Variants in ABCD2 observed in about 807,000 individuals in gnomAD.
ABCD2 encodes ATP-binding cassette sub-family D member 2.
In ABCD2, 36 loss-of-function variants were observed where a neutral mutation model predicts 70.9. That is an observed-to-expected ratio of 0.51 (90% CI 0.39 to 0.67). ABCD2 has a LOEUF of 0.67. ABCD2 is among the 30% of genes least tolerant of loss of function. ABCD2 has a pLI of 0.00. For synonymous variants in ABCD2, 304 were observed against 306.9 expected (o/e 0.99, Z 0.10); for missense variants, 729 against 890.2 (o/e 0.82, Z 2.30).
the ABCD2 span, among the ~76,000 whole-genome samples, chr12:39,541,470 A>G: frequency 6.6e-6 from 1 of 152,230 alleles, no homozygotes; most frequent in South Asian, 2.1e-4. Flanking sequence ...AATGACCTGA[A>G]GCACAGAAAG....
chr12:39,591,317 A>G (rs1338450269), intron 6 of ABCD2, among the ~76,000 whole-genome samples: 1 of 152,236 alleles, frequency 6.6e-6, no homozygotes, highest in Non-Finnish European at 1.5e-5. Flanking sequence ...GATATTTACT[A>G]TTACTGAAAT....
chr12:39,533,922 G>A, the ABCD2 span, among the ~76,000 whole-genome samples: 2 of 152,142 alleles, frequency 1.3e-5, no homozygotes, highest in African/African-American at 4.8e-5. Context: ...AGAAACAGAA[G>A]GCGTATGATA....
intron 7 of ABCD2, 90 bp from the exon 8 acceptor site, chr12:39,579,709 A>T: frequency 9.9e-7 from 1 of 1,013,272 alleles, no homozygotes; most frequent in Non-Finnish European, 1.4e-6. Context: ...TGACAAATTC[A>T]AATTGTCAAC....
intron 6 of ABCD2, among the ~76,000 whole-genome samples, chr12:39,591,824 A>G (rs996567353): frequency 6.6e-6 from 1 of 152,168 alleles, no homozygotes; most frequent in African/African-American, 2.4e-5. Flanking sequence ...ATTATATCAG[A>G]TTACCATTTA....
intron 9 of ABCD2, among the ~76,000 whole-genome samples, chr12:39,556,518 T>C (rs1435883076): frequency 6.6e-6 from 1 of 152,168 alleles, no homozygotes; most frequent in Non-Finnish European, 1.5e-5. Context: ...GTGCCTTTCT[T>C]CCCGTTTGCC....
chr12:39,534,760 G>GAGAAAGAGAAAGAA, the ABCD2 span, among the ~76,000 whole-genome samples: 1,965 of 113,118 alleles, frequency 0.017, 27 homozygotes, highest in Middle Eastern at 0.031. Flanking sequence ...AAGAAAGAAA[G>GAGAAAGAGAAAGAA]AGAAAGAAAG....
intron 8 of ABCD2, among the ~76,000 whole-genome samples, chr12:39,576,769 A>G (rs911058863): frequency 3.9e-5 from 6 of 152,190 alleles, no homozygotes; most frequent in South Asian, 2.1e-4. Context: ...CTGGATTGGA[A>G]GGGAGGATGA....
intron 1 of ABCD2, 144 bp from the exon 2 acceptor site, chr12:39,617,312 CAT>C (rs1200682504): frequency 1.0e-5 from 5 of 480,656 alleles, no homozygotes; most frequent in South Asian, 8.3e-5. Context: ...GTTTTGGTCA[CAT>C]GTGTATTATT....
chr12:39,575,531 G>A (rs1490045115), intron 8 of ABCD2, among the ~76,000 whole-genome samples: 6 of 152,216 alleles, frequency 3.9e-5, no homozygotes, highest in African/African-American at 9.6e-5. Flanking sequence ...CCTTAAGACA[G>A]GAGTTTTTCA....
chr12:39,577,091 A>C (rs1319867898), intron 8 of ABCD2, among the ~76,000 whole-genome samples: 1 of 152,142 alleles, frequency 6.6e-6, no homozygotes, highest in African/African-American at 2.4e-5. Flanking sequence ...CCAAAATTTT[A>C]ACAGTGTTTA....
the ABCD2 span, among the ~76,000 whole-genome samples, chr12:39,537,836 A>G: frequency 6.6e-6 from 1 of 152,238 alleles, no homozygotes; most frequent in African/African-American, 2.4e-5. Flanking sequence ...GTAAACAGAG[A>G]AAGTGTTTAC....
chr12:39,566,380 T>A (rs1941347948), intron 9 of ABCD2, among the ~76,000 whole-genome samples: 1 of 152,228 alleles, frequency 6.6e-6, no homozygotes, highest in South Asian at 2.1e-4. Context: ...GTCGAGGAAT[T>A]TATCCATTTC....
At chr12:39,560,415 G>A (rs559407091) in intron 9 of ABCD2, among the ~76,000 whole-genome samples, 314 of 152,202 alleles carry the variant, frequency 2.1e-3, no homozygotes, top group Non-Finnish European at 3.5e-3. Flanking sequence ...TATCATTGAT[G>A]GACATTTGGG....
Position 39,600,594 on chromosome 12 carries a change from T to C in ABCD2, c.1623A>G (p.Gln541=). Residue 541 remains glutamine (Q), a synonymous_variant, in exon 6 of 10, where the codon CAA becomes CAG. Transcript: ENST00000308666. The part of the protein sequence containing the change: ...YEGVLYKPPP[Q]HMFYIPQRPY... ...ACCTTTGTGGAATATAAAACATATG[T>C]TGAGGAGGTGGTTTATAGAGGACTC... 6.2e-7 allele frequency: 1 copy of C among 1,605,378 alleles called. No homozygotes were observed. Among genetic ancestry groups the C allele is most frequent in the Non-Finnish European group, 8.5e-7 (1 of 1,176,708 alleles).
intron 7 of ABCD2, among the ~76,000 whole-genome samples, chr12:39,581,749 C>A (rs1415579782): frequency 6.6e-6 from 1 of 152,120 alleles, no homozygotes; most frequent in Non-Finnish European, 1.5e-5. Flanking sequence ...TAATAAATCA[C>A]GTTCTTTGTT....
downstream of ABCD2, among the ~76,000 whole-genome samples, chr12:39,546,554 T>A (rs1054674285): frequency 6.6e-6 from 1 of 152,076 alleles, no homozygotes; most frequent in East Asian, 1.9e-4. Flanking sequence ...TAAAACTGGG[T>A]AATGTGTTGA....
rs772301519 is a variant in ABCD2, at chr12:39,553,975, T to C, written c.2160A>G (p.Leu720=). The change falls in exon 10 of 10, where the codon CTA becomes CTG. Residue 720 remains leucine, a synonymous_variant. Coordinates refer to ENST00000308666, the MANE Select transcript of ABCD2 (RefSeq NM_005164.4). ...IPKMQQRLNE[L]CKILGEDSVL... ...CTGAGTCTTCTCCCAAAATTTTACA[T>C]AGTTCATTGAGTCTCTGCTGCATTT... 1.2e-6 allele frequency: 2 copies of C among 1,613,326 alleles called. No individual in the cohort carries two copies. The highest frequency in any genetic ancestry group is 1.7e-6 in the Non-Finnish European group (2 of 1,179,810).
chr12:39,595,524 T>C (rs1470595070), intron 6 of ABCD2, among the ~76,000 whole-genome samples: 1 of 152,230 alleles, frequency 6.6e-6, no homozygotes, highest in African/African-American at 2.4e-5. Context: ...ATTAGTGATG[T>C]TTACCATTCC....
intron 8 of ABCD2, among the ~76,000 whole-genome samples, chr12:39,576,968 C>T (rs1293596272): frequency 6.6e-6 from 1 of 151,680 alleles, no homozygotes; most frequent in Admixed American, 6.6e-5. Context: ...CACATAATTA[C>T]ATATGAAATA....
Sources: gnomAD v4.1 joint callset for allele counts (sites outside exome capture counted in the v4.1 genomes callset) on GRCh38, gnomAD v4.1.1 for gene constraint, MANE v1.5 for transcripts, NCBI Gene and HGNC (gene_info 2026-07-23, HGNC 2026-07-21) for gene names.